The following ACCSL variants were observed in gnomAD, a reference collection of about 807,000 sequenced individuals.
The protein encoded by ACCSL is probable inactive 1-aminocyclopropane-1-carboxylate synthase-like protein 2.
Under a neutral mutation model 61.7 loss-of-function variants are expected in ACCSL, and 55 were observed. The observed-to-expected ratio is 0.89, with a 90% CI of 0.72 to 1.12. The LOEUF (loss-of-function observed/expected upper bound fraction) is 1.12. Among genes scored for constraint, ACCSL ranks in the 50% most tolerant of loss-of-function variants. The pLI is 0.00. For synonymous variants in ACCSL, 258 were observed against 264.3 expected (o/e 0.98, Z 0.23); for missense variants, 632 against 698.0 (o/e 0.91, Z 1.07).
At chr11:43,933,336 A>G in the ACCSL span, 2 of 350,932 alleles carry the variant, frequency 5.7e-6, no homozygotes, top group Admixed American at 7.0e-5. Context: ...CCAGAGAACC[A>G]GCCCTCCCAG....
the ACCSL span, among the ~76,000 whole-genome samples, chr11:43,952,455 G>C: frequency 6.6e-6 from 1 of 152,164 alleles, no homozygotes; most frequent in Admixed American, 6.5e-5. Flanking sequence ...CAGGCAGCCC[G>C]GTGCTGCACC....
the ACCSL span, among the ~76,000 whole-genome samples, chr11:44,004,937 C>G: frequency 1.1e-3 from 163 of 152,146 alleles, 1 homozygote; most frequent in African/African-American, 3.9e-3. Context: ...GGAGAGGATA[C>G]CTGCCTGGAT....
At chr11:44,033,882 C>T in the ACCSL span, among the ~76,000 whole-genome samples, 1 of 151,280 alleles carries the variant, frequency 6.6e-6, no homozygotes. Context: ...ATCCTAAGTG[C>T]TGGAAGGAAG....
rs1952647516 is a variant in ACCSL, at chr11:44,052,750, G to A, written c.861G>A (p.Leu287=). The part of the protein sequence containing the change: ...YAKVELIPVH[L]ESEVTVTNTH... ...AGGTTGAGTTGATTCCTGTCCACCT[G>A]GAGAGTGAGGTCTGAATGGGGCCCC... The change falls in exon 6 of 14, where the codon CTG becomes CTA. Residue 287 remains leucine (L), a synonymous_variant. Coordinates refer to ENST00000378832, the MANE Select transcript of ACCSL (RefSeq NM_001031854.2). 6.2e-7 allele frequency: 1 copy of A among 1,613,904 alleles called. No individual in the cohort carries two copies. Among genetic ancestry groups the A allele is most frequent in the African/African-American group, 1.3e-5 (1 of 74,894 alleles).
the ACCSL span, among the ~76,000 whole-genome samples, chr11:44,030,099 C>A: frequency 1.6e-5 from 1 of 61,778 alleles, no homozygotes; most frequent in East Asian, 3.8e-4. Context: ...TAAAGGGGCT[C>A]CCCCTGGTTT....
At chr11:43,949,832 AAC>A in the ACCSL span, among the ~76,000 whole-genome samples, 3 of 145,962 alleles carry the variant, frequency 2.1e-5, no homozygotes, top group African/African-American at 8.3e-5. Context: ...ACAAACAAAC[AAC>A]AACAACAACA....
At chr11:43,974,296 C>G in the ACCSL span, among the ~76,000 whole-genome samples, 1 of 152,182 alleles carries the variant, frequency 6.6e-6, no homozygotes, top group Non-Finnish European at 1.5e-5. Context: ...TCACTCCACA[C>G]CTCTTTCCTA....
chr11:43,948,493 A>T, the ACCSL span, among the ~76,000 whole-genome samples: 1 of 151,878 alleles, frequency 6.6e-6, no homozygotes, highest in African/African-American at 2.4e-5. Context: ...TATTTATTTG[A>T]GACAGAATCT....
At chr11:44,021,832 A>G in the ACCSL span, among the ~76,000 whole-genome samples, 1 of 152,188 alleles carries the variant, frequency 6.6e-6, no homozygotes, top group African/African-American at 2.4e-5. Context: ...ATTTGTCTAC[A>G]TGTGGCTTGC....
chr11:44,056,466 G>A lies in ACCSL; in HGVS notation c.1327+140G>A, dbSNP rs979632172. 2.5e-6 allele frequency: 3 copies of A among 1,213,104 alleles called. No individual in the cohort carries two copies. The African/African-American group carries it at 4.6e-5, about 18-fold the overall frequency. The allele number at this position is 1,213,104 out of a possible 1,614,324, so 75.1% of individuals were successfully genotyped here. The stretch of plus-strand genomic sequence containing the variant: ...CTCAGATTTAACTGTGGTAAGATGT[G>A]AGGTTTGAAGGAGGGCAAGATAGGG... On this transcript the variant is annotated intron_variant, in intron 11 of 13. Coordinates refer to ENST00000378832, the MANE Select transcript of ACCSL (RefSeq NM_001031854.2).
chr11:44,021,349 T>C, the ACCSL span, among the ~76,000 whole-genome samples: 1 of 152,216 alleles, frequency 6.6e-6, no homozygotes, highest in African/African-American at 2.4e-5. Context: ...GTGGTTTTGA[T>C]TTGTATTTCC....
the ACCSL span, among the ~76,000 whole-genome samples, chr11:44,030,229 T>A: frequency 6.6e-6 from 1 of 151,588 alleles, no homozygotes; most frequent in Admixed American, 6.6e-5. Flanking sequence ...TAGTGATTCC[T>A]CAGGATTCTC....
chr11:44,029,763 G>A, the ACCSL span, among the ~76,000 whole-genome samples: 1 of 152,046 alleles, frequency 6.6e-6, no homozygotes, highest in Non-Finnish European at 1.5e-5. Flanking sequence ...CTGATTGCTT[G>A]GTGAGTTGGC....
the ACCSL span, among the ~76,000 whole-genome samples, chr11:44,036,697 G>A: frequency 4.6e-5 from 7 of 150,630 alleles, no homozygotes; most frequent in South Asian, 4.2e-4. Flanking sequence ...CAGGAGCATC[G>A]CTTGAACCCT....
chr11:44,006,253 G>A, the ACCSL span, among the ~76,000 whole-genome samples: 1 of 152,140 alleles, frequency 6.6e-6, no homozygotes, highest in Non-Finnish European at 1.5e-5. Flanking sequence ...GGGTGATCTG[G>A]GCCTGGACCT....
the ACCSL span, among the ~76,000 whole-genome samples, chr11:43,981,775 G>A: frequency 2.6e-5 from 4 of 152,204 alleles, no homozygotes; most frequent in South Asian, 2.1e-4. Flanking sequence ...GGGTGTGGCC[G>A]TGGTGCCCAT....
At chr11:44,055,677 G>A (rs12284962) in intron 9 of ACCSL, among the ~76,000 whole-genome samples, 15,677 of 152,270 alleles carry the variant, frequency 0.1, 934 homozygotes, top group Non-Finnish European at 0.11. Context: ...CCTGGCAGAA[G>A]GAATAGCTTC....
At chr11:44,003,640 C>G in the ACCSL span, among the ~76,000 whole-genome samples, 1 of 115,504 alleles carries the variant, frequency 8.7e-6, no homozygotes, top group East Asian at 2.0e-4. Flanking sequence ...GAGACTTTGT[C>G]TCAAAAAAAA....
the ACCSL span, among the ~76,000 whole-genome samples, chr11:43,935,684 T>C: frequency 6.6e-6 from 1 of 152,356 alleles, no homozygotes; most frequent in Admixed American, 6.5e-5. Context: ...GTGGTCTCAC[T>C]ATGTTACTAT....
Sources: allele counts gnomAD v4.1 joint callset (sites outside exome capture counted in the v4.1 genomes callset), GRCh38; gene constraint gnomAD v4.1.1; transcripts MANE v1.5; gene names NCBI Gene and HGNC (gene_info 2026-07-23, HGNC 2026-07-21).